Variants in CLVS1 observed in about 807,000 individuals in gnomAD.
CLVS1 encodes clavesin-1.
In CLVS1, 10 loss-of-function variants were observed where a neutral mutation model predicts 33.1. That is an observed-to-expected ratio of 0.30 (90% CI 0.19 to 0.51). The LOEUF is 0.51. CLVS1 is among the 20% of genes least tolerant of loss of function. CLVS1 has a pLI of 0.97. For missense variants in CLVS1, 343 were observed against 433.4 expected (o/e 0.79, Z 1.85); for synonymous variants, 163 against 166.1 (o/e 0.98, Z 0.14).
At chr8:61,149,068 T>A (rs1248536794) in intron 2 of CLVS1, among the ~76,000 whole-genome samples, 4 of 152,064 alleles carry the variant, frequency 2.6e-5, no homozygotes, top group Admixed American at 2.0e-4. Flanking sequence ...TAAGTTGAAA[T>A]TTTTTTTGGT....
chr8:61,066,490 C>T (rs2129279128), intron 1 of CLVS1, among the ~76,000 whole-genome samples: 1 of 152,060 alleles, frequency 6.6e-6, no homozygotes, highest in East Asian at 1.9e-4. Flanking sequence ...TGGGCAAGAC[C>T]CTGTCTCAAG....
chr8:60,966,026 G>A, the CLVS1 span: 1 of 172,986 alleles, frequency 5.8e-6, no homozygotes, highest in Admixed American at 5.8e-5. Flanking sequence ...TGGCCAGGCT[G>A]GTCTCCAACT....
chr8:61,008,125 T>G, the CLVS1 span, among the ~76,000 whole-genome samples: 1 of 152,162 alleles, frequency 6.6e-6, no homozygotes, highest in African/African-American at 2.4e-5. Context: ...TAGGGCAACT[T>G]GGATGCGCAG....
At chr8:60,986,356 C>T in the CLVS1 span, among the ~76,000 whole-genome samples, 4 of 152,210 alleles carry the variant, frequency 2.6e-5, no homozygotes, top group Middle Eastern at 3.2e-3. Context: ...TTTTGCTGAT[C>T]GGATGGCTGT....
At position 61,272,863 on chromosome 8, in the gene CLVS1, G is replaced by C. The variant is rs1282589523; in HGVS notation, c.-151-26814G>C. On this transcript the variant is annotated intron_variant, in intron 2 of 2. Coordinates refer to the CLVS1 transcript ENST00000522621. ...GCTCCGTCAGCTCCTTTAAGCACTT[G>C]TCTGTATTGGTTATTCTAGTTATAC... is the stretch of plus-strand genomic sequence containing the variant. 7.3e-5 allele frequency among the ~76,000 whole-genome samples: 11 copies of C among 151,480 alleles called. No homozygotes were observed. The South Asian group carries it at 1.7e-3, about 23-fold the overall frequency.
chr8:61,473,067 G>A (rs939762247), intron 5 of CLVS1, among the ~76,000 whole-genome samples: 1 of 152,058 alleles, frequency 6.6e-6, no homozygotes, highest in Non-Finnish European at 1.5e-5. Context: ...GGTGTGTAAC[G>A]AGGAGGATCC....
chr8:61,018,011 C>G, the CLVS1 span, among the ~76,000 whole-genome samples: 3 of 152,170 alleles, frequency 2.0e-5, no homozygotes, highest in Non-Finnish European at 2.9e-5. Flanking sequence ...GATGAAAAAC[C>G]TGTTTTTGCC....
intron 2 of CLVS1, among the ~76,000 whole-genome samples, chr8:61,355,772 C>G (rs940789527): frequency 6.6e-6 from 1 of 152,154 alleles, no homozygotes; most frequent in African/African-American, 2.4e-5. Context: ...CATAGTATTC[C>G]ATGGTGTATA....
At chr8:61,115,352 T>A (rs926412057) in intron 1 of CLVS1, among the ~76,000 whole-genome samples, 1 of 151,212 alleles carries the variant, frequency 6.6e-6, no homozygotes, top group African/African-American at 2.4e-5. Context: ...TTATTTTATT[T>A]TTATTTTTAT....
chr8:61,481,501 A>C (rs1038415472), intron 5 of CLVS1, among the ~76,000 whole-genome samples: 3 of 152,202 alleles, frequency 2.0e-5, no homozygotes, highest in Non-Finnish European at 2.9e-5. Flanking sequence ...TCCTACCCTA[A>C]TACTACGCTT....
rs141061810 is a variant in CLVS1 at position 61,341,369 on chromosome 8, G to T, written c.456-35236G>T. 2.4e-4 allele frequency among the ~76,000 whole-genome samples: 36 copies of T among 152,210 alleles called. 2 individuals carry two copies. Reference sequence around the variant, plus strand: ...TGGAGGCATTCTCTGGCCTGCAGAAGAGCGCTCATTGTCCTCTGCGGTCCA... The same window carrying T: ...TGGAGGCATTCTCTGGCCTGCAGAATAGCGCTCATTGTCCTCTGCGGTCCA... On this transcript the variant is annotated intron_variant, in intron 2 of 5. Transcript: ENST00000325897.
intron 2 of CLVS1, among the ~76,000 whole-genome samples, chr8:61,186,986 G>C (rs1807355956): frequency 6.6e-6 from 1 of 152,080 alleles, no homozygotes. Flanking sequence ...GACCAATCTT[G>C]GTTTACTCAG....
intron 1 of CLVS1, among the ~76,000 whole-genome samples, chr8:61,293,594 A>T (rs1232842029): frequency 6.6e-6 from 1 of 152,218 alleles, no homozygotes; most frequent in Admixed American, 6.5e-5. Context: ...TTTGGCTTAG[A>T]TATATCAGCA....
upstream of CLVS1, among the ~76,000 whole-genome samples, chr8:61,052,769 T>G (rs1804407998): frequency 6.6e-6 from 1 of 151,932 alleles, no homozygotes; most frequent in Non-Finnish European, 1.5e-5. Flanking sequence ...TCTGAGTGAG[T>G]TGAGGGCCAC....
chr8:61,191,233 A>G (rs4606053), intron 2 of CLVS1, among the ~76,000 whole-genome samples: 79,733 of 151,994 alleles, frequency 0.52, 21,652 homozygotes, highest in Middle Eastern at 0.69. Context: ...ATGCAAATCA[A>G]TAAACGTAAT....
intron 2 of CLVS1, among the ~76,000 whole-genome samples, chr8:61,211,331 C>T (rs965991410): frequency 7.3e-5 from 11 of 151,642 alleles, no homozygotes; most frequent in Non-Finnish European, 2.9e-5. Flanking sequence ...CTTCCCCTTT[C>T]CTTCCTCTCC....
At chr8:61,353,376 A>G (rs1357124555) in intron 2 of CLVS1, among the ~76,000 whole-genome samples, 1 of 152,044 alleles carries the variant, frequency 6.6e-6, no homozygotes, top group African/African-American at 2.4e-5. Flanking sequence ...TCAAACTATT[A>G]ATCAATAACA....
chr8:61,109,067 T>A (rs570220918), intron 1 of CLVS1, among the ~76,000 whole-genome samples: 38 of 152,312 alleles, frequency 2.5e-4, no homozygotes, highest in Non-Finnish European at 4.9e-4. Context: ...GACTAAATGC[T>A]GGCTGAGGAG....
chr8:61,061,381 G>A (rs920329947), intron 1 of CLVS1, among the ~76,000 whole-genome samples: 5 of 151,994 alleles, frequency 3.3e-5, no homozygotes, highest in African/African-American at 4.8e-5. Flanking sequence ...CCATGAATTC[G>A]CACCGCACGT....
Sources: allele counts gnomAD v4.1 joint callset (sites outside exome capture counted in the v4.1 genomes callset), GRCh38; gene constraint gnomAD v4.1.1; transcripts MANE v1.5; gene names NCBI Gene and HGNC (gene_info 2026-07-23, HGNC 2026-07-21).